ERGIC2: variants seen among roughly 807,000 people sequenced by gnomAD.
The protein encoded by ERGIC2 is endoplasmic reticulum-Golgi intermediate compartment protein 2.
A neutral mutation model predicts 52.5 loss-of-function variants in ERGIC2; 31 were observed. That is an observed-to-expected ratio of 0.59 (90% confidence interval 0.44 to 0.80). The LOEUF (loss-of-function observed/expected upper bound fraction) is 0.80, where lower values mean the gene tolerates loss of function less well. Ranked by LOEUF, ERGIC2 falls within the 30% of genes least tolerant of loss-of-function variation. ERGIC2 has a pLI of 0.00. For synonymous variants in ERGIC2, 129 were observed against 140.6 expected, an observed-to-expected ratio of 0.92 and a Z score of 0.58; for missense variants, 395 against 455.2, an observed-to-expected ratio of 0.87 and a Z score of 1.20.
intron 8 of ERGIC2, among the ~76,000 whole-genome samples, chr12:29,353,466 T>C (rs1458946874): frequency 2.0e-5 from 3 of 152,196 alleles, no homozygotes; most frequent in Non-Finnish European, 4.4e-5. Flanking sequence ...TTTCAAATTT[T>C]AGATTTTAGA....
At chr12:29,349,390 A>G (rs1404965103) in intron 9 of ERGIC2, among the ~76,000 whole-genome samples, 3 of 151,972 alleles carry the variant, frequency 2.0e-5, no homozygotes, top group South Asian at 2.1e-4. Context: ...ACAAAATGCT[A>G]TATCTCAAAT....
At chr12:29,344,080 C>T (rs1017325123) in intron 11 of ERGIC2, among the ~76,000 whole-genome samples, 1 of 151,872 alleles carries the variant, frequency 6.6e-6, no homozygotes, top group South Asian at 2.1e-4. Context: ...AAAAATATAC[C>T]CTGGAGATAT....
chr12:29,341,013 T>C lies in ERGIC2; in HGVS notation c.*143A>G. The C allele has an allele frequency of 1.4e-6, 1 of 694,464 alleles. No individual in the cohort carries two copies. Among genetic ancestry groups the C allele is most frequent in the East Asian group, 2.8e-5 (1 of 35,248 alleles). The allele number at this position is 694,464 out of a possible 1,614,324, so 43.0% of individuals were successfully genotyped here. On this transcript the variant is annotated 3_prime_UTR_variant, in exon 14 of 14. Coordinates refer to ENST00000360150, the MANE Select transcript of ERGIC2 (RefSeq NM_016570.3). ...TATAGAATTTCAGTTTGGGTTTTTT[T>C]ATCCTTTTTTTTCTTTTTTAAAATA...
intron 5 of ERGIC2, among the ~76,000 whole-genome samples, chr12:29,364,716 A>G (rs1940334383): frequency 6.6e-6 from 1 of 152,106 alleles, no homozygotes. Flanking sequence ...TGCATCTGAT[A>G]AAGGTCTAAT....
At chr12:29,376,970 T>C (rs1363748053) in intron 1 of ERGIC2, among the ~76,000 whole-genome samples, 1 of 152,202 alleles carries the variant, frequency 6.6e-6, no homozygotes, top group African/African-American at 2.4e-5. Context: ...AAAACAGATA[T>C]AACAGAGGTT....
At chr12:29,348,516 C>T (rs1940088454) in intron 10 of ERGIC2, among the ~76,000 whole-genome samples, 1 of 151,898 alleles carries the variant, frequency 6.6e-6, no homozygotes, top group Non-Finnish European at 1.5e-5. Flanking sequence ...TTTGGATAGA[C>T]TTGATACTTT....
intron 6 of ERGIC2, among the ~76,000 whole-genome samples, chr12:29,361,220 C>A (rs1940281598): frequency 6.6e-6 from 1 of 152,050 alleles, no homozygotes. Context: ...CCACTGTACT[C>A]CAGCCTGGCA....
At chr12:29,358,085 T>C (rs1489233032) in intron 6 of ERGIC2, among the ~76,000 whole-genome samples, 2 of 152,228 alleles carry the variant, frequency 1.3e-5, no homozygotes, top group Non-Finnish European at 2.9e-5. Flanking sequence ...TGAAATATTG[T>C]AGATACAAAG....
rs573611030 is a variant in ERGIC2 at position 29,356,566 on chromosome 12, A to G, written c.477-89T>C. On this transcript the variant is annotated intron_variant, in intron 7 of 13. Coordinates refer to ENST00000360150, the MANE Select transcript of ERGIC2 (RefSeq NM_016570.3). ...AATGTGTATAGAAAAAAAAATCCCTAAAGATCATTTTTTAGGTAATATTCT... is the reference window on the plus strand; with the variant it reads ...AATGTGTATAGAAAAAAAAATCCCTGAAGATCATTTTTTAGGTAATATTCT... 128 of 652,126 alleles carry G rather than the reference A, an allele frequency of 2.0e-4. 1 individual carries two copies. The highest frequency in any genetic ancestry group is 1.4e-3 in the African/African-American group (76 of 52,956). 40.4% of individuals were successfully genotyped at this position (652,126 alleles called of 1,614,324 possible).
intron 8 of ERGIC2, among the ~76,000 whole-genome samples, chr12:29,353,823 T>C (rs1555130953): frequency 6.6e-6 from 1 of 152,000 alleles, no homozygotes; most frequent in Non-Finnish European, 1.5e-5. Flanking sequence ...TCAAATTAAA[T>C]CACCCTAGTA....
chr12:29,340,357 AATAAT>A lies in ERGIC2; in HGVS notation c.*794_*798del, dbSNP rs1949828950. The A allele has an allele frequency of 6.6e-6, 1 of 152,240 alleles. No individual in the cohort carries two copies. The highest frequency in any genetic ancestry group is 6.5e-5 in the Admixed American group (1 of 15,268). The allele number at this position is 152,240 out of a possible 1,614,324, so 9.4% of individuals were successfully genotyped here. ...CACCCTATGTTGCCCAAAATACACC[AATAAT>A]ATAATGATTAGATTAAAAAACTTGG... On this transcript the variant is annotated 3_prime_UTR_variant, in exon 14 of 14. Coordinates refer to ENST00000360150, the MANE Select transcript of ERGIC2 (RefSeq NM_016570.3).
rs757559569 is a variant in ERGIC2, at chr12:29,349,208, A to G, written c.629-31T>C. 35 of 1,089,728 alleles carry G rather than the reference A, an allele frequency of 3.2e-5. 1 individual carries two copies. The Admixed American group carries it at 8.4e-4, about 26-fold the overall frequency. The allele number at this position is 1,089,728 out of a possible 1,614,324, so 67.5% of individuals were successfully genotyped here. The stretch of plus-strand genomic sequence containing the variant: ...AGGCAAAAAATAAAAACAACTTAGC[A>G]GAGAAATTATATTATTCAAAATTAC... On this transcript the variant is annotated intron_variant, in intron 9 of 13. Coordinates refer to ENST00000360150, the MANE Select transcript of ERGIC2 (RefSeq NM_016570.3).
chr12:29,366,831 A>AT (rs1257335546), intron 5 of ERGIC2, 46 bp downstream of exon 5: 3 of 1,195,324 alleles, frequency 2.5e-6, no homozygotes, highest in Middle Eastern at 1.9e-4. Flanking sequence ...CAAGCGTACG[A>AT]TTCCTCAACC....
intron 5 of ERGIC2, among the ~76,000 whole-genome samples, chr12:29,365,713 T>C (rs899814294): frequency 2.0e-5 from 3 of 151,482 alleles, no homozygotes; most frequent in Non-Finnish European, 4.4e-5. Context: ...TAAGTATTCT[T>C]AAGATAGTAT....
Position 29,381,159 on chromosome 12 carries a change from G to A in ERGIC2, c.-82C>T, listed in dbSNP as rs931829907. On this transcript the variant is annotated 5_prime_UTR_variant, in exon 1 of 14. Coordinates refer to ENST00000360150, the MANE Select transcript of ERGIC2 (RefSeq NM_016570.3). ...CTACCGCCATGTTTCACAGAAGCCC[G>A]GGTCGCCGGGGCTCCCGCGTACCCG... 7.9e-5 allele frequency: 12 copies of A among 152,236 alleles called. No homozygotes were observed. The highest frequency in any genetic ancestry group is 2.9e-4 in the African/African-American group (12 of 41,434). 9.4% of individuals were successfully genotyped at this position (152,236 alleles called of 1,614,324 possible).
At chr12:29,365,452 T>C (rs1250443423) in intron 5 of ERGIC2, among the ~76,000 whole-genome samples, 1 of 151,728 alleles carries the variant, frequency 6.6e-6, no homozygotes, top group African/African-American at 2.4e-5. Context: ...GTGGGGACTA[T>C]TAGAGAGGGG....
chr12:29,371,354 G>A (rs150954758), intron 2 of ERGIC2, among the ~76,000 whole-genome samples, 174 bp downstream of exon 2: 1 of 152,290 alleles, frequency 6.6e-6, no homozygotes, highest in East Asian at 1.9e-4. Flanking sequence ...GGAGGCTATA[G>A]AGAATATTAA....
rs991771731 is a variant in ERGIC2 at position 29,338,281 on chromosome 12, T to C, written c.*2875A>G. 5.9e-5 allele frequency: 9 copies of C among 151,994 alleles called. No individual in the cohort carries two copies. Among genetic ancestry groups the C allele is most frequent in the African/African-American group, 2.2e-4 (9 of 41,390 alleles). The allele number at this position is 151,994 out of a possible 1,614,324, so 9.4% of individuals were successfully genotyped here. A position where few individuals can be genotyped will look rare whatever the true frequency, so the allele number is the denominator to read the frequency against. On this transcript the variant is annotated 3_prime_UTR_variant, in exon 14 of 14. Transcript: ENST00000360150. ...GTTTGCATTAGTAAATTTTTAATTA[T>C]AAAAATTCAATGCTATCATAAAACA...
At chr12:29,364,994 C>A (rs1003582113) in intron 5 of ERGIC2, among the ~76,000 whole-genome samples, 1 of 149,970 alleles carries the variant, frequency 6.7e-6, no homozygotes, top group Non-Finnish European at 1.5e-5. Context: ...GAAAAGGGAA[C>A]ACTTATATGC....
Sources: gnomAD v4.1 joint callset for allele counts (sites outside exome capture counted in the v4.1 genomes callset) on GRCh38, gnomAD v4.1.1 for gene constraint, MANE v1.5 for transcripts, NCBI Gene and HGNC (gene_info 2026-07-23, HGNC 2026-07-21) for gene names.